ARHGAP42: variants seen among roughly 807,000 people sequenced by gnomAD.
ARHGAP42 encodes the protein rho GTPase-activating protein 42.
In ARHGAP42, 63 loss-of-function variants were observed where a neutral mutation model predicts 125.0. That is an observed-to-expected ratio of 0.50 (90% CI 0.41 to 0.62). The LOEUF is 0.62. Among genes scored for constraint, ARHGAP42 ranks in the 20% least tolerant of loss-of-function variants. ARHGAP42 has a pLI of 0.00. For missense variants in ARHGAP42, 766 were observed against 1,024.2 expected (o/e 0.75, Z 3.44); for synonymous variants, 339 against 351.0 (o/e 0.97, Z 0.38).
Position 100,770,337 on chromosome 11 carries a change from T to G in ARHGAP42, c.155-6T>G, listed in dbSNP as rs904865827. 6.5e-7 allele frequency: 1 copy of G among 1,536,784 alleles called. No homozygotes were observed. Among genetic ancestry groups the G allele is most frequent in the African/African-American group, 1.4e-5 (1 of 72,634 alleles). Reference sequence around the variant, plus strand: ...TATGGATTTTTTGCTTAACTTTTACTTGCAGATCTGTCTATGGCAGTGCAG... The same window carrying G: ...TATGGATTTTTTGCTTAACTTTTACGTGCAGATCTGTCTATGGCAGTGCAG... On this transcript the variant is annotated splice_region_variant and splice_polypyrimidine_tract_variant and intron_variant, in intron 1 of 23. Transcript: ENST00000298815.
At chr11:100,837,472 A>C in intron 3 of ARHGAP42, among the ~76,000 whole-genome samples, 1 of 152,048 alleles carries the variant, frequency 6.6e-6, no homozygotes, top group East Asian at 1.9e-4. Context: ...GTGTAAGTAT[A>C]AAAGTTTTAT....
chr11:100,885,493 G>T (rs1373400392), intron 4 of ARHGAP42, among the ~76,000 whole-genome samples: 1 of 152,046 alleles, frequency 6.6e-6, no homozygotes, highest in Non-Finnish European at 1.5e-5. Context: ...TTCCACTGGG[G>T]TATCGGATGC....
At chr11:100,952,318 C>T (rs1377045987) in intron 12 of ARHGAP42, among the ~76,000 whole-genome samples, 1 of 152,054 alleles carries the variant, frequency 6.6e-6, no homozygotes, top group Non-Finnish European at 1.5e-5. Flanking sequence ...CTCTCAAAGT[C>T]ACCCTAATTA....
intron 3 of ARHGAP42, among the ~76,000 whole-genome samples, chr11:100,803,949 C>T (rs1027818540): frequency 6.6e-6 from 1 of 152,082 alleles, no homozygotes; most frequent in East Asian, 1.9e-4. Flanking sequence ...TTCACATTTG[C>T]CTTTGACCTG....
intron 4 of ARHGAP42, among the ~76,000 whole-genome samples, chr11:100,895,180 C>G (rs1866320345): frequency 6.6e-6 from 1 of 152,130 alleles, no homozygotes; most frequent in African/African-American, 2.4e-5. Flanking sequence ...ACGGAGAGGA[C>G]AGTTAGGACT....
At chr11:100,749,219 G>A (rs903196523) in intron 1 of ARHGAP42, among the ~76,000 whole-genome samples, 2 of 152,036 alleles carry the variant, frequency 1.3e-5, no homozygotes, top group Non-Finnish European at 2.9e-5. Context: ...TTTGTGGAAG[G>A]CTCAACCCCT....
chr11:100,936,902 T>C (rs1867752456), intron 8 of ARHGAP42, among the ~76,000 whole-genome samples: 1 of 152,212 alleles, frequency 6.6e-6, no homozygotes. Flanking sequence ...GAGTTTTTTG[T>C]GCATGTTACT....
intron 3 of ARHGAP42, among the ~76,000 whole-genome samples, chr11:100,820,786 T>C (rs1864386435): frequency 6.6e-6 from 1 of 152,156 alleles, no homozygotes; most frequent in Middle Eastern, 3.2e-3. Context: ...AATGTATTGT[T>C]AGTTACACTT....
At chr11:100,709,488 A>G (rs1006329732) in intron 1 of ARHGAP42, among the ~76,000 whole-genome samples, 29 of 152,152 alleles carry the variant, frequency 1.9e-4, no homozygotes, top group African/African-American at 6.0e-4. Flanking sequence ...TCAATATTTC[A>G]TTGTGATACT....
intron 1 of ARHGAP42, among the ~76,000 whole-genome samples, chr11:100,691,278 A>G (rs937337790): frequency 7.2e-6 from 1 of 139,292 alleles, no homozygotes; most frequent in Non-Finnish European, 1.5e-5. Flanking sequence ...AGCTGTGAAA[A>G]AGTAGGTTAC....
At chr11:100,829,721 TGTTA>T (rs1245866821) in intron 3 of ARHGAP42, among the ~76,000 whole-genome samples, 2 of 152,248 alleles carry the variant, frequency 1.3e-5, no homozygotes, top group Admixed American at 6.5e-5. Flanking sequence ...TACGGTTGTA[TGTTA>T]TTTTCCCCCT....
intron 1 of ARHGAP42, among the ~76,000 whole-genome samples, chr11:100,760,656 G>C (rs978353445): frequency 4.0e-5 from 6 of 151,876 alleles, no homozygotes; most frequent in Non-Finnish European, 8.8e-5. Flanking sequence ...AGCCGAGATT[G>C]CGCCACTGCA....
chr11:100,744,215 C>T (rs973909603), intron 1 of ARHGAP42, among the ~76,000 whole-genome samples: 2 of 152,130 alleles, frequency 1.3e-5, no homozygotes, highest in African/African-American at 2.4e-5. Context: ...GTGATCCACC[C>T]GCCTCAGCCT....
At chr11:100,751,480 A>G (rs1388131109) in intron 1 of ARHGAP42, among the ~76,000 whole-genome samples, 3 of 149,366 alleles carry the variant, frequency 2.0e-5, no homozygotes, top group African/African-American at 7.4e-5. Context: ...TTTTTTCTGC[A>G]GTATTTTATT....
chr11:100,844,620 A>T (rs1484182130), intron 3 of ARHGAP42, among the ~76,000 whole-genome samples: 1 of 152,110 alleles, frequency 6.6e-6, no homozygotes, highest in Non-Finnish European at 1.5e-5. Context: ...AAATCCTATC[A>T]AAAAGTGGGA....
chr11:100,934,284 A>G (rs558592601), intron 7 of ARHGAP42, among the ~76,000 whole-genome samples: 1 of 152,264 alleles, frequency 6.6e-6, no homozygotes, highest in Non-Finnish European at 1.5e-5. Context: ...ATCCTTTTGT[A>G]GTTCATGGGC....
Position 100,785,894 on chromosome 11 carries a change from G to A in ARHGAP42, c.251-9211G>A, listed in dbSNP as rs546085387. Among the ~76,000 whole-genome samples, 3 of 152,236 alleles carry A rather than the reference G, an allele frequency of 2.0e-5. No individual in the cohort carries two copies. In the East Asian group the frequency reaches 5.8e-4, roughly 29 times the overall value. On this transcript the variant is annotated intron_variant, in intron 2 of 23. Transcript: ENST00000298815. ...TAATTTTTTCCCTTTGACAATAATGGTTTGTTGGGAGAGAACAGACTTTGG... is the reference window on the plus strand; with the variant it reads ...TAATTTTTTCCCTTTGACAATAATGATTTGTTGGGAGAGAACAGACTTTGG...
intron 1 of ARHGAP42, among the ~76,000 whole-genome samples, chr11:100,746,463 C>T (rs1057142098): frequency 2.6e-5 from 4 of 152,344 alleles, no homozygotes; most frequent in African/African-American, 7.2e-5. Context: ...TCTGGGCCTC[C>T]GGCCCACCGT....
chr11:100,946,974 C>A (rs1868038453), intron 10 of ARHGAP42, among the ~76,000 whole-genome samples: 1 of 151,426 alleles, frequency 6.6e-6, no homozygotes. Context: ...TCTAGTAGGG[C>A]AATGACTGTA....
Sources: allele counts gnomAD v4.1 joint callset (sites outside exome capture counted in the v4.1 genomes callset), GRCh38; gene constraint gnomAD v4.1.1; transcripts MANE v1.5; gene names NCBI Gene and HGNC (gene_info 2026-07-23, HGNC 2026-07-21).